MYO5B: variants seen among roughly 807,000 people sequenced by gnomAD.
The protein encoded by MYO5B is myosin VB, also known as unconventional myosin-Vb.
A neutral mutation model predicts 229.3 loss-of-function variants in MYO5B; 143 were observed. The ratio of observed to expected loss-of-function variants is 0.62; its 90% confidence interval spans 0.54 to 0.72. The LOEUF is 0.72. Ranked by LOEUF, MYO5B falls within the 30% of genes least tolerant of loss-of-function variation. The probability of loss-of-function intolerance (pLI) is 0.00; values close to 1 mark genes in which losing one functional copy is unlikely to be tolerated. For missense variants in MYO5B, 2,321 were observed against 2,331.0 expected (o/e 1.00, Z 0.09); for synonymous variants, 918 against 885.2 (o/e 1.04, Z -0.66).
At chr18:50,088,697 G>A (rs912726809) in intron 1 of MYO5B, among the ~76,000 whole-genome samples, 2 of 152,156 alleles carry the variant, frequency 1.3e-5, no homozygotes, top group South Asian at 4.1e-4. Context: ...CATTTAAAAT[G>A]TATGCATTCA....
chr18:49,984,499 C>A (rs1314776087), intron 8 of MYO5B, among the ~76,000 whole-genome samples: 1 of 152,174 alleles, frequency 6.6e-6, no homozygotes, highest in African/African-American at 2.4e-5. Context: ...ACTCTCATAA[C>A]CTTATTTTTT....
chr18:50,056,712 CT>C (rs564164960), intron 1 of MYO5B, among the ~76,000 whole-genome samples: 11 of 149,714 alleles, frequency 7.3e-5, no homozygotes, highest in African/African-American at 1.2e-4. Context: ...TTGGTCCTGA[CT>C]TTTTTTTTCA....
At chr18:49,947,959 C>T (rs1463078156) in intron 14 of MYO5B, among the ~76,000 whole-genome samples, 1 of 152,124 alleles carries the variant, frequency 6.6e-6, no homozygotes, top group Non-Finnish European at 1.5e-5. Context: ...GTGTGCTGCA[C>T]CCATTAACTC....
chr18:50,149,730 C>A (rs1284036053), intron 1 of MYO5B, among the ~76,000 whole-genome samples: 3 of 152,080 alleles, frequency 2.0e-5, no homozygotes, highest in Non-Finnish European at 4.4e-5. Flanking sequence ...ACCATAAAAA[C>A]CCTAGAAGAA....
intron 4 of MYO5B, among the ~76,000 whole-genome samples, chr18:50,006,742 GGAGA>G (rs1306637495): frequency 2.0e-5 from 3 of 152,104 alleles, no homozygotes; most frequent in African/African-American, 7.2e-5. Flanking sequence ...GGTGCCACCG[GGAGA>G]GAGAGTGATG....
chr18:50,147,699 G>A (rs1013852090), intron 1 of MYO5B, among the ~76,000 whole-genome samples: 1 of 152,124 alleles, frequency 6.6e-6, no homozygotes, highest in African/African-American at 2.4e-5. Context: ...CCTGGCCCCA[G>A]TGACCTCACT....
chr18:50,060,033 C>G (rs1283144080), intron 1 of MYO5B, among the ~76,000 whole-genome samples: 1 of 152,146 alleles, frequency 6.6e-6, no homozygotes, highest in Non-Finnish European at 1.5e-5. Context: ...GGTTTGGAGA[C>G]AGAAAGGATT....
At chr18:49,958,633 C>T (rs1304622439) in intron 12 of MYO5B, among the ~76,000 whole-genome samples, 1 of 152,202 alleles carries the variant, frequency 6.6e-6, no homozygotes, top group Non-Finnish European at 1.5e-5. Context: ...AGCCCATGCT[C>T]CTCTCTCGCA....
intron 17 of MYO5B, among the ~76,000 whole-genome samples, chr18:49,920,615 C>G (rs189765436): frequency 1.3e-5 from 2 of 152,158 alleles, no homozygotes; most frequent in Non-Finnish European, 2.9e-5. Context: ...CGAGTTGGAG[C>G]TGAGACACAA....
chr18:49,870,526 T>C (rs969676452), intron 27 of MYO5B, among the ~76,000 whole-genome samples: 2 of 152,206 alleles, frequency 1.3e-5, no homozygotes, highest in Non-Finnish European at 2.9e-5. Context: ...TTGCCAATCA[T>C]GTATCTGATA....
intron 1 of MYO5B, among the ~76,000 whole-genome samples, chr18:50,119,428 G>C (rs1206750809): frequency 6.6e-6 from 1 of 152,130 alleles, no homozygotes; most frequent in African/African-American, 2.4e-5. Flanking sequence ...CTTTTTGTCT[G>C]TGGATTCAGA....
Position 49,854,717 on chromosome 18 carries a change from G to C in MYO5B, c.4023-1070C>G, listed in dbSNP as rs1285193440. Among the ~76,000 whole-genome samples, 3 of 152,186 alleles carry C rather than the reference G, an allele frequency of 2.0e-5. No individual in the cohort carries two copies. The East Asian group carries it at 5.8e-4, about 29-fold the overall frequency. The stretch of plus-strand genomic sequence containing the variant: ...AGGAACTGGTTGTGCCTCTAACACA[G>C]CTGTTGGAGGCCGTGGCTGCCCTGG... On this transcript the variant is annotated intron_variant, in intron 30 of 39. Coordinates refer to ENST00000285039, the MANE Select transcript of MYO5B (RefSeq NM_001080467.3).
intron 22 of MYO5B, among the ~76,000 whole-genome samples, chr18:49,893,755 G>A (rs943762476): frequency 5.9e-5 from 9 of 152,230 alleles, no homozygotes; most frequent in Admixed American, 2.6e-4. Context: ...CCCGAGGTGG[G>A]AAGAAGATCT....
At position 49,995,666 on chromosome 18, in the gene MYO5B, G is replaced by A. The variant is rs2025980095; in HGVS notation, c.613-3235C>T. On this transcript the variant is annotated intron_variant, in intron 5 of 39. Coordinates refer to ENST00000285039, the MANE Select transcript of MYO5B (RefSeq NM_001080467.3). ...ACTTTCCAGTGTAAACTGTATCTCA[G>A]GGCAATTAAGTAGTTGGTAAGGGGA... 2.0e-5 allele frequency among the ~76,000 whole-genome samples: 3 copies of A among 152,194 alleles called. No homozygotes were observed. The South Asian group carries it at 6.2e-4, about 32-fold the overall frequency.
At chr18:49,923,658 AC>A (rs2025099125) in intron 17 of MYO5B, among the ~76,000 whole-genome samples, 1 of 152,150 alleles carries the variant, frequency 6.6e-6, no homozygotes, top group African/African-American at 2.4e-5. Context: ...TCTATGGTTA[AC>A]CACGTCAGAT....
intron 1 of MYO5B, among the ~76,000 whole-genome samples, chr18:50,102,238 G>C (rs1008138311): frequency 2.6e-5 from 4 of 152,104 alleles, no homozygotes; most frequent in African/African-American, 9.7e-5. Context: ...AACATACACT[G>C]AGAACTGTTG....
chr18:50,072,976 G>A (rs1391003140), intron 1 of MYO5B, among the ~76,000 whole-genome samples: 4 of 152,176 alleles, frequency 2.6e-5, no homozygotes, highest in South Asian at 2.1e-4. Context: ...TTTGTGGAAA[G>A]GTATGGTGGG....
At chr18:50,039,272 A>AAG (rs773073478) in intron 3 of MYO5B, among the ~76,000 whole-genome samples, 1 of 152,132 alleles carries the variant, frequency 6.6e-6, no homozygotes, top group African/African-American at 2.4e-5. Context: ...ACTCTTTAAA[A>AAG]AGAGAGAGAG....
chr18:50,132,635 C>T (rs1016938916), intron 1 of MYO5B, among the ~76,000 whole-genome samples: 1 of 152,200 alleles, frequency 6.6e-6, no homozygotes, highest in African/African-American at 2.4e-5. Context: ...TCTTCTCTGC[C>T]ATCTCTCTTC....
Sources: gnomAD v4.1 joint callset for allele counts (sites outside exome capture counted in the v4.1 genomes callset) on GRCh38, gnomAD v4.1.1 for gene constraint, MANE v1.5 for transcripts, NCBI Gene and HGNC (gene_info 2026-07-23, HGNC 2026-07-21) for gene names.